The following BRWD3 variants were observed in gnomAD, a reference collection of about 807,000 sequenced individuals.
BRWD3 encodes bromodomain and WD repeat domain containing 3.
A neutral mutation model predicts 149.7 loss-of-function variants in BRWD3; 10 were observed. The observed-to-expected ratio is 0.07, with a 90% confidence interval of 0.04 to 0.11. The LOEUF is 0.11. BRWD3 is among the 10% of genes least tolerant of loss of function. The pLI is 1.00. For missense variants in BRWD3, 940 were observed against 1,373.2 expected (o/e 0.68, Z 4.99); for synonymous variants, 504 against 456.7 (o/e 1.10, Z -1.32).
intron 15 of BRWD3, 141 bp downstream of exon 15, chrX:80,724,792 G>T: frequency 1.4e-6 from 1 of 698,964 alleles, no homozygotes; most frequent in Non-Finnish European, 2.1e-6. Flanking sequence ...CTCAATTCTT[G>T]AGTTATTCTC....
At chrX:80,736,349 T>C (rs1355617367) in intron 8 of BRWD3, among the ~76,000 whole-genome samples, 1 of 111,789 alleles carries the variant, frequency 8.9e-6, no homozygotes, top group African/African-American at 3.2e-5. Flanking sequence ...TTTTAAATTA[T>C]TTAACATTAC....
At chrX:80,744,388 T>C (rs1367952005) in intron 7 of BRWD3, 135 bp from the exon 8 acceptor site, 6 of 485,993 alleles carry the variant, frequency 1.2e-5, no homozygotes, top group Non-Finnish European at 3.6e-6. Context: ...CTACATATAA[T>C]AGGGATCCAG....
chrX:80,737,350 G>A (rs1401957132), intron 8 of BRWD3, among the ~76,000 whole-genome samples: 1 of 111,778 alleles, frequency 8.9e-6, no homozygotes, highest in Non-Finnish European at 1.9e-5. Flanking sequence ...TGTAAATGCT[G>A]TAGTAATTTG....
At chrX:80,759,362 T>C (rs1008117142) in intron 6 of BRWD3, among the ~76,000 whole-genome samples, 4 of 111,858 alleles carry the variant, frequency 3.6e-5, no homozygotes, top group African/African-American at 9.7e-5. Context: ...GCCATTTCTG[T>C]TTCTCCTGTC....
At chrX:80,802,623 T>A (rs773420746) in intron 4 of BRWD3, among the ~76,000 whole-genome samples, 1 of 110,253 alleles carries the variant, frequency 9.1e-6, no homozygotes, top group South Asian at 3.8e-4. Flanking sequence ...ATTTTACAAT[T>A]AACAAAATGC....
chrX:80,745,509 A>G (rs2073580121), intron 7 of BRWD3, 60 bp downstream of exon 7: 6 of 1,069,819 alleles, frequency 5.6e-6, no homozygotes, highest in Non-Finnish European at 7.7e-6. Flanking sequence ...AATGCCATGC[A>G]GTCTGGCTTC....
intron 10 of BRWD3, 88 bp from the exon 11 acceptor site, chrX:80,734,306 TTAGTAAA>T: frequency 1.6e-6 from 1 of 608,716 alleles, no homozygotes; most frequent in Non-Finnish European, 2.8e-6. Flanking sequence ...CTACCTTGCA[TTAGTAAA>T]AAGGCTTAAA....
chrX:80,691,825 A>C lies in BRWD3; in HGVS notation c.3479T>G (p.Leu1160Arg). 1 of 1,210,285 alleles carries C rather than the reference A, an allele frequency of 8.3e-7. No homozygotes were observed. The highest frequency in any genetic ancestry group is 1.1e-6 in the Non-Finnish European group (1 of 895,149). ...VIQGINHLLSLDFASPFAVPV... is the reference protein window; with the variant it reads ...VIQGINHLLSRDFASPFAVPV... The stretch of plus-strand genomic sequence containing the variant: ...AAATTTTTTCACATTCATCATACCC[A>C]GGGAAAGAAGGTGGTTGATGCCCTG... Residue 1160 changes from leucine (L) to arginine (R), a missense_variant and splice_region_variant, in exon 30 of 41, where the codon CTG becomes CGG. By Grantham distance (102) the Leu-to-Arg change is moderately radical (BLOSUM62 -2). Coordinates refer to ENST00000373275, the MANE Select transcript of BRWD3 (RefSeq NM_153252.5).
intron 6 of BRWD3, among the ~76,000 whole-genome samples, chrX:80,768,000 T>G (rs1040251688): frequency 1.8e-5 from 2 of 111,004 alleles, no homozygotes; most frequent in African/African-American, 6.6e-5. Context: ...GAAGATCAAA[T>G]TAATGAAATA....
At chrX:80,798,121 A>G (rs146398839) in intron 4 of BRWD3, among the ~76,000 whole-genome samples, 3,224 of 111,248 alleles carry the variant, frequency 0.029, 67 homozygotes, top group Non-Finnish European at 0.04. Flanking sequence ...TAAATAAATA[A>G]ATAAATAAAA....
At chrX:80,807,419 A>T (rs1374142272) in intron 4 of BRWD3, among the ~76,000 whole-genome samples, 3 of 112,374 alleles carry the variant, frequency 2.7e-5, no homozygotes, top group Non-Finnish European at 3.8e-5. Context: ...CAATTTAAAT[A>T]TAGTCTTATT....
At chrX:80,683,172 G>T (rs2147677073) in intron 37 of BRWD3, among the ~76,000 whole-genome samples, 1 of 111,091 alleles carries the variant, frequency 9.0e-6, no homozygotes, top group South Asian at 3.7e-4. Context: ...TGAGATACAG[G>T]AAAACATTCA....
intron 6 of BRWD3, among the ~76,000 whole-genome samples, chrX:80,754,281 T>C (rs1457310734): frequency 8.9e-6 from 1 of 111,887 alleles, no homozygotes; most frequent in Non-Finnish European, 1.9e-5. Context: ...TAGCTATTAT[T>C]GGCTTCTTGA....
intron 6 of BRWD3, among the ~76,000 whole-genome samples, chrX:80,756,739 T>C (rs1461337612): frequency 9.0e-6 from 1 of 111,250 alleles, no homozygotes; most frequent in Non-Finnish European, 1.9e-5. Context: ...CTCATTCTTC[T>C]AGCATGAATA....
intron 20 of BRWD3, chrX:80,710,737 C>G (rs1452624208): frequency 1.9e-6 from 1 of 538,458 alleles, no homozygotes; most frequent in African/African-American, 2.3e-5. Flanking sequence ...TATGTATTAT[C>G]AAATATGTAA....
intron 25 of BRWD3, among the ~76,000 whole-genome samples, chrX:80,698,115 G>C (rs1211587877): frequency 8.9e-6 from 1 of 111,982 alleles, no homozygotes; most frequent in East Asian, 2.8e-4. Flanking sequence ...TTTCTTTTAA[G>C]AAGTGTCTGT....
At chrX:80,717,492 T>C (rs1396664170) in intron 19 of BRWD3, 81 bp downstream of exon 19, 1 of 954,902 alleles carries the variant, frequency 1.0e-6, no homozygotes. Flanking sequence ...CCTCATTTAC[T>C]AGGCTAACAT....
At chrX:80,757,939 G>A (rs1345627635) in intron 6 of BRWD3, among the ~76,000 whole-genome samples, 2 of 112,227 alleles carry the variant, frequency 1.8e-5, no homozygotes, top group African/African-American at 3.2e-5. Flanking sequence ...GGTGGCTCAC[G>A]CCTGTAATCC....
intron 6 of BRWD3, among the ~76,000 whole-genome samples, chrX:80,788,992 T>A (rs994626475): frequency 2.7e-5 from 3 of 112,149 alleles, no homozygotes; most frequent in African/African-American, 9.7e-5. Context: ...TAGTGGTGGT[T>A]ACACAAAAAT....
Sources: allele counts gnomAD v4.1 joint callset (sites outside exome capture counted in the v4.1 genomes callset), GRCh38; gene constraint gnomAD v4.1.1; transcripts MANE v1.5; gene names NCBI Gene and HGNC (gene_info 2026-07-23, HGNC 2026-07-21).